SRBD1: variants seen among roughly 807,000 people sequenced by gnomAD.
SRBD1 encodes S1 RNA-binding domain-containing protein 1.
SRBD1 carries 88 observed loss-of-function variants against 115.3 expected under a neutral mutation model. The ratio of observed to expected loss-of-function variants is 0.76; its 90% CI spans 0.64 to 0.91. The LOEUF (loss-of-function observed/expected upper bound fraction) is 0.91. Ranked by LOEUF, SRBD1 falls within the 40% of genes least tolerant of loss-of-function variation. The probability of loss-of-function intolerance (pLI) is 0.00; values close to 1 mark genes in which losing one functional copy is unlikely to be tolerated. For missense variants in SRBD1, 1,385 were observed against 1,177.4 expected, an observed-to-expected ratio of 1.18 and a Z score of -2.58; for synonymous variants, 509 against 407.7, an observed-to-expected ratio of 1.25 and a Z score of -2.99.
rs148903106 is a variant in SRBD1, at chr2:45,415,768, G to C, written c.2334-2475C>G. Among the ~76,000 whole-genome samples the C allele has an allele frequency of 4.5e-3, 48 of 10,712 alleles. 4 individuals are homozygous for C. The highest frequency in any genetic ancestry group is 0.013 in the Non-Finnish European group (26 of 2,018). 7.0% of individuals were successfully genotyped at this position (10,712 alleles called of 152,430 possible). On this transcript the variant is annotated intron_variant, in intron 18 of 20. Transcript: ENST00000263736. ...GGAGACGAGAGGAGAGGAGAGGAGAGGAGAGGAGAGGAGAGGAGAGGAGAG... is the reference window on the plus strand; with the variant it reads ...GGAGACGAGAGGAGAGGAGAGGAGACGAGAGGAGAGGAGAGGAGAGGAGAG...
rs1413719663 is a variant in SRBD1 at position 45,532,162 on chromosome 2, C to G, written c.1874+14570G>C. ...AACTTTTGCCATGCCGCTGCCATCA[C>G]CACCATCAGCACCATCAGCACCATC... On this transcript the variant is annotated intron_variant, in intron 14 of 20. Transcript: ENST00000263736. Among the ~76,000 whole-genome samples the G allele has an allele frequency of 1.3e-5, 2 of 151,548 alleles. 1 individual carries two copies. Among genetic ancestry groups the G allele is most frequent in the Non-Finnish European group, 3.0e-5 (2 of 67,794 alleles).
chr2:45,500,291 G>A (rs910488778), intron 14 of SRBD1, among the ~76,000 whole-genome samples: 13 of 151,578 alleles, frequency 8.6e-5, no homozygotes, highest in South Asian at 4.2e-4. Flanking sequence ...GTGTGTGTGT[G>A]TGTGTGTGTA....
chr2:45,566,256 C>T lies in SRBD1; in HGVS notation c.1306-3500G>A, dbSNP rs933572276. Among the ~76,000 whole-genome samples, 6 of 152,180 alleles carry T rather than the reference C, an allele frequency of 3.9e-5. No homozygotes were observed. In the East Asian group the frequency reaches 5.8e-4, roughly 15 times the overall value. ...ACATATGTCCACACAAAAACTTAGA[C>T]ACGAATGTTCATAGCATTATTCATA... On this transcript the variant is annotated intron_variant, in intron 9 of 20. Transcript: ENST00000263736.
At chr2:45,448,632 T>G (rs940521390) in intron 16 of SRBD1, among the ~76,000 whole-genome samples, 1 of 152,118 alleles carries the variant, frequency 6.6e-6, no homozygotes, top group African/African-American at 2.4e-5. Context: ...TTTAAAAATT[T>G]TAGTGCTAGA....
At chr2:45,513,697 T>C (rs1159388595) in intron 14 of SRBD1, among the ~76,000 whole-genome samples, 1 of 152,164 alleles carries the variant, frequency 6.6e-6, no homozygotes, top group Non-Finnish European at 1.5e-5. Flanking sequence ...TCAAATACCG[T>C]ATCATGTATA....
intron 16 of SRBD1, among the ~76,000 whole-genome samples, chr2:45,430,927 C>T (rs138493706): frequency 1.7e-4 from 26 of 152,032 alleles, no homozygotes; most frequent in African/African-American, 5.1e-4. Context: ...GAATCTACAA[C>T]GAACTTAAAC....
At chr2:45,488,354 A>G in intron 14 of SRBD1, 23 bp from the exon 15 acceptor site, 8 of 1,601,236 alleles carry the variant, frequency 5.0e-6, no homozygotes, top group East Asian at 2.2e-5. Flanking sequence ...AAAAAGGGGA[A>G]TATCACTTTC....
intron 16 of SRBD1, among the ~76,000 whole-genome samples, chr2:45,463,610 T>C (rs1669391739): frequency 1.3e-5 from 2 of 152,234 alleles, no homozygotes; most frequent in Non-Finnish European, 2.9e-5. Flanking sequence ...TTTTTTCTAA[T>C]GTGAACATTA....
At chr2:45,548,743 T>C (rs1015253674) in intron 12 of SRBD1, among the ~76,000 whole-genome samples, 4 of 145,394 alleles carry the variant, frequency 2.8e-5, no homozygotes, top group African/African-American at 2.5e-5. Flanking sequence ...TGATAAAATA[T>C]ATTTCCCACT....
At chr2:45,602,104 T>A (rs368033031) in intron 2 of SRBD1, 21 bp from the exon 3 acceptor site, 2 of 1,581,134 alleles carry the variant, frequency 1.3e-6, no homozygotes, top group African/African-American at 1.4e-5. Context: ...ATCAACAGAA[T>A]AATCTCCAGG....
intron 19 of SRBD1, among the ~76,000 whole-genome samples, chr2:45,402,177 T>C (rs3755070): frequency 0.8 from 121,753 of 152,116 alleles, 49,498 homozygotes; most frequent in African/African-American, 0.92. Flanking sequence ...CAGTTAGGAA[T>C]CTTTATATTC....
At chr2:45,406,941 CAT>C (rs1667455421) in intron 19 of SRBD1, among the ~76,000 whole-genome samples, 2 of 151,850 alleles carry the variant, frequency 1.3e-5, no homozygotes, top group South Asian at 2.1e-4. Flanking sequence ...CAGAATAATA[CAT>C]AGAGTCTTTA....
intron 11 of SRBD1, among the ~76,000 whole-genome samples, chr2:45,553,269 T>TA (rs1672360939): frequency 6.6e-6 from 1 of 152,204 alleles, no homozygotes; most frequent in Admixed American, 6.5e-5. Context: ...CATTTGGAGT[T>TA]AAAAACAAAG....
chr2:45,594,608 C>A (rs952035522), intron 4 of SRBD1, among the ~76,000 whole-genome samples: 2 of 152,140 alleles, frequency 1.3e-5, no homozygotes, highest in Admixed American at 1.3e-4. Context: ...ACCTGGTGAT[C>A]CCCAACCCCG....
rs1669841316 is a variant in SRBD1, at chr2:45,477,580, CACTCTGTT to C, written c.1967-513_1967-506del. ...TTCCTTTTTTTTAGAGATAGGGTCTCACTCTGTTACCCTGGATAGAGTGCAGTGGTGCC... is the reference window on the plus strand; with the variant it reads ...TTCCTTTTTTTTAGAGATAGGGTCTCACCCTGGATAGAGTGCAGTGGTGCC... On this transcript the variant is annotated intron_variant, in intron 15 of 20. Transcript: ENST00000263736. Among the ~76,000 whole-genome samples, 3 of 152,258 alleles carry C rather than the reference CACTCTGTT, an allele frequency of 2.0e-5. No homozygotes were observed. In the South Asian group the frequency reaches 6.2e-4, roughly 32 times the overall value.
At chr2:45,419,739 G>C (rs1473383037) in intron 17 of SRBD1, 49 bp downstream of exon 17, 3 of 1,543,448 alleles carry the variant, frequency 1.9e-6, no homozygotes, top group Admixed American at 1.7e-5. Flanking sequence ...GGACTGGACA[G>C]CCAGTTAAAC....
rs754401281 is a variant in SRBD1, at chr2:45,605,383, T to C, written c.59A>G (p.Glu20Gly). 1 of 1,613,564 alleles carries C rather than the reference T, an allele frequency of 6.2e-7. No homozygotes were observed. The highest frequency in any genetic ancestry group is 8.5e-7 in the Non-Finnish European group (1 of 1,179,940). The change falls in exon 2 of 21, where the codon GAA becomes GGA. Residue 20 changes from glutamate (E) to glycine (G), a missense_variant. Transcript: ENST00000263736. ...TTACAACTCAGAGAATGAAGAAAAT[T>C]CATCTTTCAGTACCACATCCTGGAC... ...VQVQDVVLKD[E>G]FSSFSELSSA...
At chr2:45,518,908 G>C (rs1671199461) in intron 14 of SRBD1, among the ~76,000 whole-genome samples, 3 of 148,634 alleles carry the variant, frequency 2.0e-5, no homozygotes, top group Non-Finnish European at 4.5e-5. Flanking sequence ...ATTTTTCCCA[G>C]AGAGAAATGA....
intron 15 of SRBD1, among the ~76,000 whole-genome samples, chr2:45,479,997 G>C (rs1371045543): frequency 1.3e-5 from 2 of 152,056 alleles, no homozygotes; most frequent in African/African-American, 4.8e-5. Context: ...CTCTATCAAT[G>C]AAACAACAAA....
Sources: allele counts gnomAD v4.1 joint callset (sites outside exome capture counted in the v4.1 genomes callset), GRCh38; gene constraint gnomAD v4.1.1; transcripts MANE v1.5; gene names NCBI Gene and HGNC (gene_info 2026-07-23, HGNC 2026-07-21).